Variants in HS3ST4 observed in about 807,000 individuals in gnomAD.
HS3ST4 encodes the protein heparan sulfate-glucosamine 3-sulfotransferase 4, also known as heparan sulfate glucosamine 3-O-sulfotransferase 4.
Under a neutral mutation model 29.2 loss-of-function variants are expected in HS3ST4, and 17 were observed. The ratio of observed to expected loss-of-function variants is 0.58; its 90% CI spans 0.40 to 0.87. The LOEUF (loss-of-function observed/expected upper bound fraction) is 0.87, where lower values mean the gene tolerates loss of function less well. Among genes scored for constraint, HS3ST4 ranks in the 40% least tolerant of loss-of-function variants. HS3ST4 has a pLI of 0.00. For missense variants in HS3ST4, 627 were observed against 634.5 expected, an observed-to-expected ratio of 0.99 and a Z score of 0.13; for synonymous variants, 314 against 285.7, an observed-to-expected ratio of 1.10 and a Z score of -1.00.
At chr16:25,781,665 A>G (rs1966852733) in intron 1 of HS3ST4, among the ~76,000 whole-genome samples, 1 of 152,056 alleles carries the variant, frequency 6.6e-6, no homozygotes, top group Non-Finnish European at 1.5e-5. Flanking sequence ...CTTACCCAAG[A>G]CCCCACAGCT....
chr16:25,828,254 T>TCTGTCTTTCTCTCTCTCTC, intron 1 of HS3ST4, among the ~76,000 whole-genome samples: 1 of 73,618 alleles, frequency 1.4e-5, no homozygotes, highest in African/African-American at 6.0e-5. Flanking sequence ...CTTTCTTTCT[T>TCTGTCTTTCTCTCTCTCTC]TCTTTCTTTC....
intron 1 of HS3ST4, among the ~76,000 whole-genome samples, chr16:25,796,862 G>A (rs1171477974): frequency 1.3e-5 from 2 of 152,218 alleles, no homozygotes; most frequent in African/African-American, 4.8e-5. Flanking sequence ...TTTTGCCATG[G>A]CAAGGGGTGG....
intron 1 of HS3ST4, among the ~76,000 whole-genome samples, chr16:25,918,754 G>C (rs866002076): frequency 6.6e-6 from 1 of 152,180 alleles, no homozygotes. Flanking sequence ...GCAGTGAGCC[G>C]AGATTGTGCC....
At chr16:26,134,664 GATA>G (rs1297926746) in intron 1 of HS3ST4, among the ~76,000 whole-genome samples, 1 of 152,100 alleles carries the variant, frequency 6.6e-6, no homozygotes, top group Non-Finnish European at 1.5e-5. Context: ...TACAAATGAG[GATA>G]ATAAGGCTCG....
chr16:25,931,065 G>C (rs1196387000), intron 1 of HS3ST4, among the ~76,000 whole-genome samples: 1 of 152,062 alleles, frequency 6.6e-6, no homozygotes, highest in Non-Finnish European at 1.5e-5. Context: ...GAGCAACTGT[G>C]CCCAACCAAG....
At chr16:25,821,533 C>A (rs921873601) in intron 1 of HS3ST4, among the ~76,000 whole-genome samples, 4 of 152,092 alleles carry the variant, frequency 2.6e-5, no homozygotes, top group African/African-American at 9.7e-5. Context: ...TGATCATTTT[C>A]TTTTTAAAGC....
intron 1 of HS3ST4, among the ~76,000 whole-genome samples, chr16:26,116,459 G>C (rs554363173): frequency 2.0e-5 from 3 of 152,294 alleles, no homozygotes; most frequent in South Asian, 4.1e-4. Context: ...AGTCATATTA[G>C]AGTCTGTCTC....
rs1295205995 is a variant in HS3ST4, at chr16:25,692,537, C to A, written c.120C>A (p.Thr40=). The part of the protein sequence containing the change: ...PPARKLLFMC[T]LSLSVTYLCY... ...CGCGCAAGCTGCTTTTTATGTGCAC[C>A]TTGTCCCTGTCTGTCACCTACCTGT... The change falls in exon 1 of 2, where the codon ACC becomes ACA. Residue 40 remains threonine (T), a synonymous_variant. Transcript: ENST00000331351. 2.0e-5 allele frequency: 29 copies of A among 1,452,730 alleles called. No individual in the cohort carries two copies. Among genetic ancestry groups the A allele is most frequent in the Non-Finnish European group, 2.7e-5 (29 of 1,093,038 alleles). The allele number at this position is 1,452,730 out of a possible 1,614,324, so 90.0% of individuals were successfully genotyped here.
intron 1 of HS3ST4, among the ~76,000 whole-genome samples, chr16:26,083,411 A>G (rs980576641): frequency 1.3e-5 from 2 of 152,230 alleles, no homozygotes; most frequent in South Asian, 4.1e-4. Flanking sequence ...ATTTTATTCT[A>G]TTCATTAATT....
chr16:25,822,464 T>A (rs1031541551), intron 1 of HS3ST4, among the ~76,000 whole-genome samples: 1 of 152,204 alleles, frequency 6.6e-6, no homozygotes, highest in Non-Finnish European at 1.5e-5. Context: ...AGCACCCAGC[T>A]ACTCCTAGAC....
chr16:25,879,757 A>C (rs1460827855), intron 1 of HS3ST4, among the ~76,000 whole-genome samples: 1 of 152,176 alleles, frequency 6.6e-6, no homozygotes, highest in Non-Finnish European at 1.5e-5. Flanking sequence ...TTGCTAATAA[A>C]CACATACCCA....
chr16:25,889,043 A>G (rs1055761947), intron 1 of HS3ST4, among the ~76,000 whole-genome samples: 3 of 152,198 alleles, frequency 2.0e-5, no homozygotes, highest in Admixed American at 6.5e-5. Context: ...ATTGACTGCT[A>G]TAACCTTGAG....
intron 1 of HS3ST4, among the ~76,000 whole-genome samples, chr16:25,876,201 A>C (rs764997930): frequency 2.0e-5 from 3 of 152,164 alleles, no homozygotes; most frequent in Non-Finnish European, 4.4e-5. Flanking sequence ...GACTTCTGAC[A>C]TGCCAGTTTT....
intron 1 of HS3ST4, among the ~76,000 whole-genome samples, chr16:25,791,885 G>A (rs1343213821): frequency 1.3e-5 from 2 of 151,848 alleles, no homozygotes; most frequent in Non-Finnish European, 2.9e-5. Flanking sequence ...GGCACCATAG[G>A]TCTGATATAT....
At chr16:25,698,750 T>C (rs1031479411) in intron 1 of HS3ST4, among the ~76,000 whole-genome samples, 1 of 152,182 alleles carries the variant, frequency 6.6e-6, no homozygotes, top group Non-Finnish European at 1.5e-5. Flanking sequence ...AGGCTGTTAT[T>C]TGGGATGGTT....
intron 1 of HS3ST4, among the ~76,000 whole-genome samples, chr16:25,875,140 A>C (rs1017590706): frequency 1.3e-5 from 2 of 152,150 alleles, no homozygotes; most frequent in African/African-American, 4.8e-5. Context: ...TTAGACAGAT[A>C]ATTAACAGCT....
chr16:25,728,190 C>G (rs1476848992), intron 1 of HS3ST4, among the ~76,000 whole-genome samples: 1 of 152,120 alleles, frequency 6.6e-6, no homozygotes, highest in Admixed American at 6.6e-5. Context: ...TTAGTAGAGA[C>G]AGGGTTTCAC....
intron 1 of HS3ST4, among the ~76,000 whole-genome samples, chr16:26,071,426 A>G (rs1373557782): frequency 6.6e-6 from 1 of 152,094 alleles, no homozygotes; most frequent in Non-Finnish European, 1.5e-5. Flanking sequence ...CTAGAGGGAA[A>G]AGGAAGTATT....
At chr16:25,697,536 T>C (rs1596546494) in intron 1 of HS3ST4, among the ~76,000 whole-genome samples, 1 of 152,252 alleles carries the variant, frequency 6.6e-6, no homozygotes, top group East Asian at 1.9e-4. Context: ...TCAATGTGGC[T>C]ACTAGAAAAT....
Sources: gnomAD v4.1 joint callset for allele counts (sites outside exome capture counted in the v4.1 genomes callset) on GRCh38, gnomAD v4.1.1 for gene constraint, MANE v1.5 for transcripts, NCBI Gene and HGNC (gene_info 2026-07-23, HGNC 2026-07-21) for gene names.